The following GTF2F2 variants were observed in gnomAD, a reference collection of about 807,000 sequenced individuals.
GTF2F2 encodes the protein general transcription factor IIF subunit 2.
Under a neutral mutation model 42.2 loss-of-function variants are expected in GTF2F2, and 23 were observed. The ratio of observed to expected loss-of-function variants is 0.55; its 90% CI spans 0.39 to 0.77. The LOEUF (loss-of-function observed/expected upper bound fraction) is 0.77, where lower values mean the gene tolerates loss of function less well. Ranked by LOEUF, GTF2F2 falls within the 30% of genes least tolerant of loss-of-function variation. The pLI, the probability that GTF2F2 is intolerant of heterozygous loss-of-function variation, is 0.00. For synonymous variants in GTF2F2, 105 were observed against 100.8 expected (o/e 1.04, Z -0.25); for missense variants, 261 against 287.2 (o/e 0.91, Z 0.66).
At chr13:45,183,400 G>C (rs1020473812) in intron 4 of GTF2F2, among the ~76,000 whole-genome samples, 1 of 152,110 alleles carries the variant, frequency 6.6e-6, no homozygotes, top group Non-Finnish European at 1.5e-5. Context: ...TCCATCCTCA[G>C]GGGGATCCAG....
intron 4 of GTF2F2, among the ~76,000 whole-genome samples, chr13:45,188,424 A>G (rs1872511253): frequency 6.6e-6 from 1 of 152,202 alleles, no homozygotes; most frequent in African/African-American, 2.4e-5. Flanking sequence ...AAAGTTCTCC[A>G]TTCTATTCAT....
intron 4 of GTF2F2, among the ~76,000 whole-genome samples, chr13:45,186,678 C>G (rs1872441923): frequency 6.6e-6 from 1 of 152,086 alleles, no homozygotes; most frequent in South Asian, 2.1e-4. Context: ...GATAATTGGT[C>G]TAATTCTTTG....
chr13:45,124,347 G>T, intron 1 of GTF2F2, among the ~76,000 whole-genome samples: 1 of 151,680 alleles, frequency 6.6e-6, no homozygotes, highest in South Asian at 2.1e-4. Flanking sequence ...CTCCCAAAGT[G>T]CTGGGATTAC....
chr13:45,160,686 G>A (rs1870994338), intron 4 of GTF2F2, among the ~76,000 whole-genome samples: 1 of 151,668 alleles, frequency 6.6e-6, no homozygotes, highest in Admixed American at 6.6e-5. Context: ...TTAAGTTTAT[G>A]GTGATAGGTA....
At chr13:45,266,548 TTAGA>T (rs1876567327) in intron 6 of GTF2F2, among the ~76,000 whole-genome samples, 1 of 152,208 alleles carries the variant, frequency 6.6e-6, no homozygotes, top group Non-Finnish European at 1.5e-5. Flanking sequence ...ACTGCATCTG[TTAGA>T]TAAACTGTTT....
chr13:45,124,005 AGG>A, intron 1 of GTF2F2: 1 of 1,087,368 alleles, frequency 9.2e-7, no homozygotes, highest in Non-Finnish European at 1.4e-6. Flanking sequence ...CTGGTGGTCC[AGG>A]GGTCTTACTC....
intron 4 of GTF2F2, among the ~76,000 whole-genome samples, chr13:45,168,013 G>A (rs1053879520): frequency 5.9e-5 from 9 of 152,196 alleles, no homozygotes; most frequent in African/African-American, 2.2e-4. Flanking sequence ...TGACTATGAT[G>A]ATTTGACACA....
chr13:45,209,848 A>G (rs562248709), intron 5 of GTF2F2, among the ~76,000 whole-genome samples: 45 of 152,264 alleles, frequency 3.0e-4, no homozygotes, highest in Admixed American at 2.4e-3. Flanking sequence ...TTTCAGTCCA[A>G]AACCATTGGT....
intron 5 of GTF2F2, among the ~76,000 whole-genome samples, chr13:45,241,624 A>G (rs1295660400): frequency 1.3e-5 from 2 of 152,138 alleles, no homozygotes; most frequent in Admixed American, 6.6e-5. Context: ...ATAATGGAGT[A>G]TTTTCCTTTA....
intron 7 of GTF2F2, among the ~76,000 whole-genome samples, chr13:45,281,937 G>A (rs962532117): frequency 1.1e-4 from 16 of 152,280 alleles, no homozygotes; most frequent in Non-Finnish European, 1.9e-4. Context: ...AGTGGCTCAG[G>A]CCTGTAATCC....
At chr13:45,125,352 G>A (rs1385988742) in intron 1 of GTF2F2, among the ~76,000 whole-genome samples, 1 of 151,330 alleles carries the variant, frequency 6.6e-6, no homozygotes, top group Non-Finnish European at 1.5e-5. Flanking sequence ...ACGGAGTGTC[G>A]CTCTTTTGCC....
At chr13:45,233,350 C>T (rs1312658749) in intron 5 of GTF2F2, among the ~76,000 whole-genome samples, 1 of 152,218 alleles carries the variant, frequency 6.6e-6, no homozygotes, top group African/African-American at 2.4e-5. Flanking sequence ...TGTATAAAAA[C>T]ACAGCAGGCT....
intron 3 of GTF2F2, 71 bp from the exon 4 acceptor site, chr13:45,151,616 T>C (rs941071334): frequency 1.0e-6 from 1 of 967,000 alleles, no homozygotes; most frequent in South Asian, 1.7e-5. Flanking sequence ...ATTTGATTTA[T>C]AACAAAAATT....
At chr13:45,200,356 T>C (rs1873115829) in intron 4 of GTF2F2, among the ~76,000 whole-genome samples, 1 of 152,224 alleles carries the variant, frequency 6.6e-6, no homozygotes, top group Admixed American at 6.5e-5. Context: ...AGGGTCTTGC[T>C]CTGTCACCCA....
At chr13:45,200,447 C>T (rs185573741) in intron 4 of GTF2F2, among the ~76,000 whole-genome samples, 1 of 152,244 alleles carries the variant, frequency 6.6e-6, no homozygotes, top group Admixed American at 6.5e-5. Flanking sequence ...GTTGGGGCCA[C>T]AGGCATACCC....
chr13:45,148,446 C>T (rs1000560570), intron 2 of GTF2F2, among the ~76,000 whole-genome samples: 1 of 152,090 alleles, frequency 6.6e-6, no homozygotes, highest in Admixed American at 6.6e-5. Flanking sequence ...CATTTGTGAT[C>T]AGACCCTTTT....
intron 1 of GTF2F2, 40 bp from the exon 2 acceptor site, chr13:45,136,693 G>A (rs1215417032): frequency 2.0e-6 from 2 of 997,712 alleles, no homozygotes; most frequent in Middle Eastern, 2.1e-4. Context: ...AAAGATGTTA[G>A]CATCTAAAAT....
intron 4 of GTF2F2, among the ~76,000 whole-genome samples, chr13:45,176,791 TC>T (rs910902499): frequency 2.6e-5 from 4 of 152,074 alleles, no homozygotes; most frequent in African/African-American, 7.2e-5. Context: ...CTTTTTCTTT[TC>T]TTCTTTTTTT....
chr13:45,219,043 T>A (rs959619039), intron 5 of GTF2F2, among the ~76,000 whole-genome samples: 15 of 151,652 alleles, frequency 9.9e-5, no homozygotes, highest in Admixed American at 3.3e-4. Context: ...TTGTTTTTTT[T>A]AAAAAAAAGG....
Sources: allele counts gnomAD v4.1 joint callset (sites outside exome capture counted in the v4.1 genomes callset), GRCh38; gene constraint gnomAD v4.1.1; transcripts MANE v1.5; gene names NCBI Gene and HGNC (gene_info 2026-07-23, HGNC 2026-07-21).